Variants in USP31 observed in about 807,000 individuals in gnomAD.
The protein encoded by USP31 is ubiquitin specific peptidase 31.
In USP31, 44 loss-of-function variants were observed where a neutral mutation model predicts 119.4. The ratio of observed to expected loss-of-function variants is 0.37; its 90% confidence interval spans 0.29 to 0.47. The LOEUF (loss-of-function observed/expected upper bound fraction) is 0.47, where lower values mean the gene tolerates loss of function less well. Among genes scored for constraint, USP31 ranks in the 20% least tolerant of loss-of-function variants. The probability of loss-of-function intolerance (pLI) is 0.99; values close to 1 mark genes in which losing one functional copy is unlikely to be tolerated. For synonymous variants in USP31, 749 were observed against 705.6 expected, an observed-to-expected ratio of 1.06 and a Z score of -0.97; for missense variants, 1,643 against 1,730.2, an observed-to-expected ratio of 0.95 and a Z score of 0.89.
chr16:23,119,754 A>T (rs2141886551), intron 1 of USP31, among the ~76,000 whole-genome samples: 1 of 152,352 alleles, frequency 6.6e-6, no homozygotes, highest in African/African-American at 2.4e-5. Flanking sequence ...AGGAATGCAG[A>T]TGATGTAGAA....
intron 15 of USP31, among the ~76,000 whole-genome samples, chr16:23,070,036 T>G (rs1382867886): frequency 6.6e-6 from 1 of 152,234 alleles, no homozygotes; most frequent in Admixed American, 6.5e-5. Flanking sequence ...AGAAAGGCAG[T>G]GGGCTGTATT....
intron 7 of USP31, among the ~76,000 whole-genome samples, 187 bp from the exon 8 acceptor site, chr16:23,088,022 T>C (rs1478346000): frequency 1.3e-5 from 2 of 152,268 alleles, no homozygotes; most frequent in Non-Finnish European, 2.9e-5. Flanking sequence ...GATTTCTAAA[T>C]GAAATTTAAT....
intron 1 of USP31, among the ~76,000 whole-genome samples, chr16:23,143,720 C>T (rs1319855737): frequency 6.6e-6 from 1 of 152,190 alleles, no homozygotes; most frequent in Admixed American, 6.5e-5. Context: ...CTCAGCACTA[C>T]TGACACTTTG....
At chr16:23,076,124 G>A (rs944220781) in intron 13 of USP31, among the ~76,000 whole-genome samples, 3 of 151,944 alleles carry the variant, frequency 2.0e-5, no homozygotes, top group Non-Finnish European at 4.4e-5. Context: ...ACTTAAAAAT[G>A]GGGATGAGGG....
At chr16:23,143,836 T>G (rs1903428057) in intron 1 of USP31, among the ~76,000 whole-genome samples, 1 of 151,764 alleles carries the variant, frequency 6.6e-6, no homozygotes, top group African/African-American at 2.4e-5. Flanking sequence ...ATCCCAGCTG[T>G]GACAACCAAG....
At chr16:23,073,954 T>G in intron 13 of USP31, 74 bp from the exon 14 acceptor site, 1 of 1,598,900 alleles carries the variant, frequency 6.3e-7, no homozygotes, top group Middle Eastern at 1.7e-4. Context: ...AGACACCATC[T>G]CTTTGGCTCA....
At chr16:23,085,395 G>A (rs1445708687) in intron 10 of USP31, among the ~76,000 whole-genome samples, 190 bp downstream of exon 10, 2 of 152,172 alleles carry the variant, frequency 1.3e-5, no homozygotes, top group Non-Finnish European at 2.9e-5. Context: ...CTAAGGTTCT[G>A]GGATTGGGAA....
chr16:23,093,201 T>C (rs1223886423), intron 6 of USP31, among the ~76,000 whole-genome samples: 1 of 152,186 alleles, frequency 6.6e-6, no homozygotes, highest in Admixed American at 6.5e-5. Flanking sequence ...GAAGAACTTT[T>C]GTACGTCAAA....
rs112932971 is a variant in USP31 at position 23,086,443 on chromosome 16, T to C, written c.1622+649A>G. Among the ~76,000 whole-genome samples the C allele has an allele frequency of 4.0e-4, 61 of 152,288 alleles. 1 individual carries two copies. Among genetic ancestry groups the C allele is most frequent in the African/African-American group, 1.4e-3 (57 of 41,554 alleles). ...TTATTTTATTAATACAATAGAGTAT[T>C]ATAACAGATTTAGACAGCACAGAGG... On this transcript the variant is annotated intron_variant, in intron 9 of 15. Coordinates refer to ENST00000219689, the MANE Select transcript of USP31 (RefSeq NM_020718.4).
chr16:23,132,174 ATGT>A (rs894893232), intron 1 of USP31, among the ~76,000 whole-genome samples: 8 of 152,246 alleles, frequency 5.3e-5, no homozygotes, highest in African/African-American at 1.9e-4. Flanking sequence ...CACTGCAAAA[ATGT>A]TGTTTGTTAA....
chr16:23,137,046 C>G (rs1903215467), intron 1 of USP31, among the ~76,000 whole-genome samples: 2 of 152,120 alleles, frequency 1.3e-5, no homozygotes, highest in South Asian at 4.1e-4. Flanking sequence ...AACCCCATCT[C>G]TACAAAAACA....
chr16:23,105,111 C>T (rs1026993169), intron 5 of USP31, among the ~76,000 whole-genome samples: 2 of 152,218 alleles, frequency 1.3e-5, no homozygotes, highest in Non-Finnish European at 2.9e-5. Flanking sequence ...CTATCTCAAA[C>T]ACTGCGAGGA....
intron 7 of USP31, 56 bp downstream of exon 7, chr16:23,090,568 G>T (rs1901312032): frequency 7.0e-7 from 1 of 1,438,808 alleles, no homozygotes; most frequent in South Asian, 1.7e-5. Flanking sequence ...TAACATGTTT[G>T]AAAATACTGA....
rs1487030203 is a variant in USP31, at chr16:23,065,819, AG to A, written c.*2226del. 6.6e-6 allele frequency: 1 copy of A among 152,228 alleles called. No homozygotes were observed. Among genetic ancestry groups the A allele is most frequent in the African/African-American group, 2.4e-5 (1 of 41,456 alleles). 9.4% of individuals were successfully genotyped at this position (152,228 alleles called of 1,614,324 possible). A position where few individuals can be genotyped will look rare whatever the true frequency, so the allele number is the denominator to read the frequency against. ...TATTAATGCTTGACTACAGCAAAAA[AG>A]AAGTGTTATTAAAAACCTTTGTCTA... On this transcript the variant is annotated 3_prime_UTR_variant, in exon 16 of 16. Transcript: ENST00000219689.
Position 23,090,156 on chromosome 16 carries a change from G to A in USP31, c.1415+468C>T, listed in dbSNP as rs547274246. 5.3e-5 allele frequency among the ~76,000 whole-genome samples: 8 copies of A among 152,178 alleles called. No homozygotes were observed. In the South Asian group the frequency reaches 8.3e-4, roughly 16 times the overall value. On this transcript the variant is annotated intron_variant, in intron 7 of 15. Transcript: ENST00000219689. Reference sequence around the variant, plus strand: ...TCCCAGCACTTTGGGAGGCCAAGGCGGGCGGATCGTCTGAGGTCAGGAGTT... The same window carrying A: ...TCCCAGCACTTTGGGAGGCCAAGGCAGGCGGATCGTCTGAGGTCAGGAGTT...
chr16:23,078,528 C>A (rs929878119), intron 13 of USP31, among the ~76,000 whole-genome samples: 1 of 152,072 alleles, frequency 6.6e-6, no homozygotes, highest in Non-Finnish European at 1.5e-5. Context: ...TGACCCTCCC[C>A]CTCCAGCACG....
chr16:23,137,306 A>C (rs1903222968), intron 1 of USP31, among the ~76,000 whole-genome samples: 1 of 152,228 alleles, frequency 6.6e-6, no homozygotes, highest in Non-Finnish European at 1.5e-5. Flanking sequence ...ATGTTGGTGA[A>C]GATGCAGAAA....
At chr16:23,145,300 C>T (rs1281427692) in intron 1 of USP31, among the ~76,000 whole-genome samples, 1 of 152,150 alleles carries the variant, frequency 6.6e-6, no homozygotes, top group East Asian at 1.9e-4. Context: ...CCAGCTCTAC[C>T]GAATCTCAAT....
At chr16:23,128,879 A>G (rs1236246321) in intron 1 of USP31, among the ~76,000 whole-genome samples, 2 of 152,230 alleles carry the variant, frequency 1.3e-5, no homozygotes, top group East Asian at 3.9e-4. Flanking sequence ...TGGACAGAGG[A>G]ACATCTTAAT....
Sources: gnomAD v4.1 joint callset for allele counts (sites outside exome capture counted in the v4.1 genomes callset) on GRCh38, gnomAD v4.1.1 for gene constraint, MANE v1.5 for transcripts, NCBI Gene and HGNC (gene_info 2026-07-23, HGNC 2026-07-21) for gene names.